CCNE2: variants seen among roughly 807,000 people sequenced by gnomAD.
CCNE2 encodes the protein G1/S-specific cyclin-E2.
In CCNE2, 18 loss-of-function variants were observed where a neutral mutation model predicts 56.8. The observed-to-expected ratio is 0.32, with a 90% CI of 0.22 to 0.47. The LOEUF is 0.47. Among genes scored for constraint, CCNE2 ranks in the 20% least tolerant of loss-of-function variants. The pLI, the probability that CCNE2 is intolerant of heterozygous loss-of-function variation, is 1.00. For missense variants in CCNE2, 371 were observed against 467.1 expected (o/e 0.79, Z 1.90); for synonymous variants, 139 against 149.2 (o/e 0.93, Z 0.50).
chr8:94,883,859 G>A (rs1400662118), intron 9 of CCNE2: 1 of 455,926 alleles, frequency 2.2e-6, no homozygotes, highest in East Asian at 7.0e-5. Flanking sequence ...CTTGTGCAGT[G>A]GAATTAAACT....
At chr8:94,886,024 CAACTT>C (rs919938291) in intron 7 of CCNE2, among the ~76,000 whole-genome samples, 3 of 152,132 alleles carry the variant, frequency 2.0e-5, no homozygotes, top group African/African-American at 7.2e-5. Flanking sequence ...AGTGCACTTT[CAACTT>C]AACAGTATTT....
At position 94,881,751 on chromosome 8, in the gene CCNE2, C is replaced by A. The variant is rs147150184; in HGVS notation, c.1102-6G>T. 164 of 1,613,316 alleles carry A rather than the reference C, an allele frequency of 1.0e-4. 1 individual carries two copies. The African/African-American group carries it at 1.9e-3, about 19-fold the overall frequency. On this transcript the variant is annotated splice_polypyrimidine_tract_variant and splice_region_variant and intron_variant, in intron 11 of 11. Transcript: ENST00000308108. ...TTTATGTAATTTACTTCCTCCTATA[C>A]ATGGGAAGAAATCATGCACTGATTT... is the stretch of plus-strand genomic sequence containing the variant.
At position 94,881,085 on chromosome 8, in the gene CCNE2, T is replaced by G. The variant is rs1157602613; in HGVS notation, c.*547A>C. On this transcript the variant is annotated 3_prime_UTR_variant, in exon 12 of 12. Coordinates refer to ENST00000308108, the MANE Select transcript of CCNE2 (RefSeq NM_057749.3). ...ATTTCACCATTTGTAGAAATTCAAG[T>G]TTTATAATAGCTTGCTATAGCAGCT... 6 of 397,450 alleles carry G rather than the reference T, an allele frequency of 1.5e-5. No individual in the cohort carries two copies. The highest frequency in any genetic ancestry group is 1.2e-4 in the African/African-American group (6 of 48,628). 24.6% of individuals were successfully genotyped at this position (397,450 alleles called of 1,614,324 possible).
At chr8:94,885,669 G>T in intron 7 of CCNE2, 111 bp from the exon 8 acceptor site, 7 of 429,074 alleles carry the variant, frequency 1.6e-5, no homozygotes, top group East Asian at 4.0e-5. Flanking sequence ...CATTTAAGTA[G>T]AAAGTGCATT....
intron 5 of CCNE2, chr8:94,892,188 G>T (rs910662485): frequency 2.8e-5 from 12 of 436,322 alleles, no homozygotes; most frequent in South Asian, 2.2e-4. Flanking sequence ...AACACATAAG[G>T]CATGTGATCA....
At position 94,881,854 on chromosome 8, in the gene CCNE2, CT is replaced by C. The variant is rs1816830233; in HGVS notation, c.1102-110del. On this transcript the variant is annotated intron_variant, in intron 11 of 11. Coordinates refer to ENST00000308108, the MANE Select transcript of CCNE2 (RefSeq NM_057749.3). ...CCTAATTTTAATAGTCTTTTTATGT[CT>C]TTGCAAGTGTGAAGGGTCATATTCT... is the stretch of plus-strand genomic sequence containing the variant. 3.2e-5 allele frequency: 43 copies of C among 1,339,596 alleles called. 1 individual carries two copies. The highest frequency in any genetic ancestry group is 4.4e-5 in the Non-Finnish European group (43 of 978,196). The allele number at this position is 1,339,596 out of a possible 1,614,324, so 83.0% of individuals were successfully genotyped here. A position where few individuals can be genotyped will look rare whatever the true frequency, so the allele number is the denominator to read the frequency against.
intron 1 of CCNE2, 97 bp downstream of exon 1, chr8:94,895,080 C>A (rs1431040418): frequency 2.3e-5 from 16 of 687,366 alleles, no homozygotes; most frequent in Non-Finnish European, 2.7e-5. Flanking sequence ...CTCAGCCCTC[C>A]CGATTTTCCT....
chr8:94,882,029 C>A, intron 11 of CCNE2, 103 bp downstream of exon 11: 1 of 1,182,428 alleles, frequency 8.5e-7, no homozygotes, highest in South Asian at 1.6e-5. Context: ...TTAGAACTTT[C>A]TTTCCCCTGA....
chr8:94,891,170 T>C (rs1817226428), intron 5 of CCNE2: 1 of 152,682 alleles, frequency 6.5e-6, no homozygotes, highest in Non-Finnish European at 1.5e-5. Flanking sequence ...TATTTATACT[T>C]TACAAAGGTT....
intron 11 of CCNE2, 88 bp downstream of exon 11, chr8:94,882,034 CCCTGAAACTG>C (rs1273411439): frequency 2.5e-6 from 3 of 1,205,298 alleles, no homozygotes; most frequent in African/African-American, 3.1e-5. Flanking sequence ...ACTTTCTTTC[CCCTGAAACTG>C]CCTGAAGGAG....
At chr8:94,894,354 G>A in intron 1 of CCNE2, 107 bp from the exon 2 acceptor site, 2 of 1,090,784 alleles carry the variant, frequency 1.8e-6, no homozygotes, top group South Asian at 2.7e-5. Flanking sequence ...CTCCGAAGGG[G>A]GCCTGGGCCC....
At chr8:94,889,950 T>C (rs945062483) in intron 6 of CCNE2, among the ~76,000 whole-genome samples, 3 of 152,134 alleles carry the variant, frequency 2.0e-5, no homozygotes, top group African/African-American at 7.2e-5. Context: ...ATCTGGACAA[T>C]AGAGGGCGTA....
At chr8:94,882,013 T>C in intron 11 of CCNE2, 119 bp downstream of exon 11, 1 of 1,023,566 alleles carries the variant, frequency 9.8e-7, no homozygotes, top group East Asian at 2.5e-5. Flanking sequence ...GAAATCAGTG[T>C]GCCCCTTAGA....
chr8:94,883,631 T>C (rs969205854), intron 9 of CCNE2: 12 of 244,992 alleles, frequency 4.9e-5, no homozygotes, highest in African/African-American at 2.6e-4. Flanking sequence ...CAGAATTTTA[T>C]AGGCTGATTC....
intron 5 of CCNE2, 36 bp downstream of exon 5, chr8:94,892,782 A>G: frequency 2.5e-6 from 3 of 1,194,222 alleles, no homozygotes; most frequent in South Asian, 1.7e-5. Context: ...GCACAACTTT[A>G]TATCTTTGAA....
chr8:94,880,850 C>T lies in CCNE2; in HGVS notation c.*782G>A. 2.5e-6 allele frequency: 1 copy of T among 398,574 alleles called. No homozygotes were observed. Among genetic ancestry groups the T allele is most frequent in the South Asian group, 1.3e-4 (1 of 7,844 alleles). The allele number at this position is 398,574 out of a possible 1,614,324, so 24.7% of individuals were successfully genotyped here. ...TTTGAAAGGGTACTTAAGTTTTTCA[C>T]CCAAATTGTGATATACAAAAAGGTT... On this transcript the variant is annotated 3_prime_UTR_variant, in exon 12 of 12. Transcript: ENST00000308108.
rs563848436 is a variant in CCNE2, at chr8:94,880,684, G to A, written c.*948C>T. 1 of 393,954 alleles carries A rather than the reference G, an allele frequency of 2.5e-6. No homozygotes were observed. Among genetic ancestry groups the A allele is most frequent in the African/African-American group, 2.1e-5 (1 of 48,536 alleles). 24.4% of individuals were successfully genotyped at this position (393,954 alleles called of 1,614,324 possible). Reference sequence around the variant, plus strand: ...TGTTAAGCTTTATCACTTTGACACTGTCCTTATCTCACAATGGAGGAATTT... The same window carrying A: ...TGTTAAGCTTTATCACTTTGACACTATCCTTATCTCACAATGGAGGAATTT... On this transcript the variant is annotated 3_prime_UTR_variant, in exon 12 of 12. Coordinates refer to ENST00000308108, the MANE Select transcript of CCNE2 (RefSeq NM_057749.3).
chr8:94,887,088 TAA>T (rs1291830895), intron 7 of CCNE2, among the ~76,000 whole-genome samples: 1 of 152,216 alleles, frequency 6.6e-6, no homozygotes, highest in African/African-American at 2.4e-5. Context: ...ATACCAGCTA[TAA>T]AAGTCTTAGA....
At position 94,895,159 on chromosome 8, in the gene CCNE2, C is replaced by T. The variant is rs1003778281; in HGVS notation, c.-27+18G>A. On this transcript the variant is annotated intron_variant, in intron 1 of 11. Coordinates refer to ENST00000308108, the MANE Select transcript of CCNE2 (RefSeq NM_057749.3). The stretch of plus-strand genomic sequence containing the variant: ...TTTCTTTCCTCCCACATCCCCCCTA[C>T]GCGCAGCAACTCCTCACCGCCAGAC... 2 of 985,450 alleles carry T rather than the reference C, an allele frequency of 2.0e-6. No homozygotes were observed. Among genetic ancestry groups the T allele is most frequent in the Non-Finnish European group, 2.4e-6 (2 of 829,924 alleles). 61.0% of individuals were successfully genotyped at this position (985,450 alleles called of 1,614,324 possible).
Sources: gnomAD v4.1 joint callset for allele counts (sites outside exome capture counted in the v4.1 genomes callset) on GRCh38, gnomAD v4.1.1 for gene constraint, MANE v1.5 for transcripts, NCBI Gene and HGNC (gene_info 2026-07-23, HGNC 2026-07-21) for gene names.